The following ZNF280D variants were observed in gnomAD, a reference collection of about 807,000 sequenced individuals.
The protein encoded by ZNF280D is zinc finger protein 280D.
A neutral mutation model predicts 94.7 loss-of-function variants in ZNF280D; 39 were observed. That is an observed-to-expected ratio of 0.41 (90% confidence interval 0.32 to 0.54). ZNF280D has a LOEUF of 0.54. Ranked by LOEUF, ZNF280D falls within the 20% of genes least tolerant of loss-of-function variation. The pLI is 0.22. For synonymous variants in ZNF280D, 398 were observed against 377.6 expected (o/e 1.05, Z -0.63); for missense variants, 1,090 against 1,149.3 (o/e 0.95, Z 0.75).
At chr15:56,693,067 T>C (rs373501833) in intron 7 of ZNF280D, 31 bp downstream of exon 7, 12 of 1,338,272 alleles carry the variant, frequency 9.0e-6, no homozygotes, top group Admixed American at 3.5e-5. Context: ...TTTCTTTCTA[T>C]AACCTTTATG....
chr15:56,632,060 C>A lies in ZNF280D; in HGVS notation c.2378G>T (p.Gly793Val), dbSNP rs766769562. The change falls in exon 22 of 22, where the codon GGC becomes GTC. Residue 793 changes from glycine to valine, a missense_variant. Gly to Val is a moderately radical substitution (Grantham distance 109). This residue lies in a region of ZNF280D where 577 missense variants were observed against 568.8 expected (regional missense o/e 1.01). Coordinates refer to ENST00000267807, the MANE Select transcript of ZNF280D (RefSeq NM_017661.4). ...KNGCNANSFE[G>V]SSTTKSEESI... ...TTCTTCACTTTTTGTTGTTGATGAG[C>A]CTTCAAATGAATTTGCATTACATCC... is the stretch of plus-strand genomic sequence containing the variant. 2.5e-6 allele frequency: 4 copies of A among 1,606,890 alleles called. No individual in the cohort carries two copies. The highest frequency in any genetic ancestry group is 2.7e-5 in the African/African-American group (2 of 74,518).
intron 1 of ZNF280D, among the ~76,000 whole-genome samples, chr15:56,728,829 C>T (rs754921484): frequency 4.6e-5 from 7 of 152,134 alleles, no homozygotes; most frequent in Non-Finnish European, 1.0e-4. Context: ...ACATGAGATA[C>T]TCAACACTTT....
At chr15:56,664,394 GAACCATATAGAGAGA>G (rs1349297334) in intron 16 of ZNF280D, among the ~76,000 whole-genome samples, 1 of 152,070 alleles carries the variant, frequency 6.6e-6, no homozygotes, top group African/African-American at 2.4e-5. Context: ...TAAGCAGAAG[GAACCATATAGAGAGA>G]AAGAGATGAA....
intron 19 of ZNF280D, chr15:56,653,306 G>C (rs1312274692): frequency 9.7e-5 from 119 of 1,222,680 alleles, no homozygotes; most frequent in Non-Finnish European, 1.2e-4. Context: ...GGTCATAACT[G>C]ACTCATAAGC....
intron 1 of ZNF280D, chr15:56,733,122 AG>A (rs2058979948): frequency 6.5e-6 from 1 of 152,872 alleles, no homozygotes; most frequent in Admixed American, 6.5e-5. Flanking sequence ...CAGAGAGAAA[AG>A]CCAAAACCAG....
In ZNF280D at chr15:56,716,453, T is replaced by C. The variant is rs114670964; in HGVS notation, c.-85-9147A>G. On this transcript the variant is annotated intron_variant, in intron 1 of 21. Transcript: ENST00000267807. ...AGGAACTGAATGTGCAAAAGACCTA[T>C]GGCAGAAGATAAGCCAGCAAATATG... Among the ~76,000 whole-genome samples the C allele has an allele frequency of 3.2e-3, 473 of 147,480 alleles. 5 individuals carry two copies. The highest frequency in any genetic ancestry group is 0.011 in the African/African-American group (446 of 39,790).
chr15:56,648,831 G>A (rs952945878), intron 19 of ZNF280D, among the ~76,000 whole-genome samples: 8 of 152,116 alleles, frequency 5.3e-5, no homozygotes, highest in African/African-American at 1.9e-4. Context: ...CTGCTTGAGA[G>A]TATACAACAA....
intron 1 of ZNF280D, among the ~76,000 whole-genome samples, chr15:56,727,587 C>T (rs4774891): frequency 0.17 from 26,279 of 152,166 alleles, 2,458 homozygotes; most frequent in Admixed American, 0.22. Flanking sequence ...AATCCTCATG[C>T]GTAAGTGGCA....
chr15:56,732,219 G>A (rs1303242218), intron 1 of ZNF280D, among the ~76,000 whole-genome samples: 5 of 152,134 alleles, frequency 3.3e-5, no homozygotes, highest in Admixed American at 1.3e-4. Context: ...TCCTCTCCCT[G>A]AGGCTCTGTT....
intron 1 of ZNF280D, among the ~76,000 whole-genome samples, chr15:56,714,921 G>C (rs2057956539): frequency 6.6e-6 from 1 of 151,986 alleles, no homozygotes. Context: ...GATATGAAAA[G>C]GATCCTATCT....
chr15:56,669,190 A>G (rs1321950331), intron 13 of ZNF280D, among the ~76,000 whole-genome samples: 1 of 152,054 alleles, frequency 6.6e-6, no homozygotes, highest in African/African-American at 2.4e-5. Flanking sequence ...AGTTCTATCA[A>G]TAGGTTCTAA....
In ZNF280D at chr15:56,631,857, TTA is replaced by T; in HGVS notation, c.2579_2580del (p.Ile860AsnfsTer4). On this transcript the variant is annotated frameshift_variant, in exon 22 of 22. Coordinates refer to ENST00000267807, the MANE Select transcript of ZNF280D (RefSeq NM_017661.4). LOFTEE classifies it low-confidence loss of function (END_TRUNC). ...ELKMCQSSEN[I>X]ILSDQIKDHN... Reference sequence around the variant, plus strand: ...TGATCTTTAATCTGATCAGATAAGATTATGTTTTCTGAACTTTGGCACATCTT... The same window carrying T: ...TGATCTTTAATCTGATCAGATAAGATTGTTTTCTGAACTTTGGCACATCTT... The T allele has an allele frequency of 2.5e-6, 4 of 1,613,866 alleles. No homozygotes were observed. Among genetic ancestry groups the T allele is most frequent in the East Asian group, 2.2e-5 (1 of 44,872 alleles).
In ZNF280D at chr15:56,631,849, A is replaced by G; in HGVS notation, c.2589T>C (p.Ser863=). The change falls in exon 22 of 22, where the codon TCT becomes TCC. Residue 863 remains serine, a synonymous_variant. Coordinates refer to ENST00000267807, the MANE Select transcript of ZNF280D (RefSeq NM_017661.4). ...MCQSSENIIL[S]DQIKDHNSSE... ...TGGAGTTGTGATCTTTAATCTGATC[A>G]GATAAGATTATGTTTTCTGAACTTT... 6.2e-7 allele frequency: 1 copy of G among 1,613,908 alleles called. No homozygotes were observed. The highest frequency in any genetic ancestry group is 8.5e-7 in the Non-Finnish European group (1 of 1,180,018).
intron 19 of ZNF280D, chr15:56,653,051 G>A (rs1171039479): frequency 1.0e-5 from 10 of 973,600 alleles, no homozygotes; most frequent in Admixed American, 6.2e-5. Context: ...AATCGGTATT[G>A]TTAAAAAATT....
At chr15:56,698,614 A>T (rs1379479262) in intron 6 of ZNF280D, 1 of 152,154 alleles carries the variant, frequency 6.6e-6, no homozygotes, top group African/African-American at 2.4e-5. Flanking sequence ...CCTCCCATTG[A>T]GTGTGGGCAG....
intron 1 of ZNF280D, among the ~76,000 whole-genome samples, chr15:56,727,086 G>T (rs955070838): frequency 3.3e-5 from 5 of 152,132 alleles, no homozygotes; most frequent in African/African-American, 1.2e-4. Context: ...GGAAAATAAC[G>T]GTTATTTTAG....
chr15:56,663,068 A>G (rs749745430), intron 16 of ZNF280D, among the ~76,000 whole-genome samples: 1 of 151,402 alleles, frequency 6.6e-6, no homozygotes, highest in Non-Finnish European at 1.5e-5. Context: ...CAGATCACTT[A>G]AGCCCAGGAG....
At chr15:56,720,241 T>C (rs1411671733) in intron 1 of ZNF280D, among the ~76,000 whole-genome samples, 1 of 152,222 alleles carries the variant, frequency 6.6e-6, no homozygotes, top group Non-Finnish European at 1.5e-5. Context: ...ATTTCAACAA[T>C]GTTTACAGCA....
intron 7 of ZNF280D, 78 bp downstream of exon 7, chr15:56,693,020 A>T (rs2056514623): frequency 2.3e-6 from 2 of 860,564 alleles, no homozygotes; most frequent in Non-Finnish European, 3.7e-6. Context: ...TAGGGACTTC[A>T]AAACAGAAAG....
Sources: allele counts gnomAD v4.1 joint callset (sites outside exome capture counted in the v4.1 genomes callset), GRCh38; gene constraint gnomAD v4.1.1; regional missense constraint gnomAD v4.1.1; transcripts MANE v1.5; gene names NCBI Gene and HGNC (gene_info 2026-07-23, HGNC 2026-07-21).